Variants in MYH1 observed in about 807,000 individuals in gnomAD.
MYH1 encodes myosin heavy chain 1, also known as myosin-1.
In MYH1, 214 loss-of-function variants were observed where a neutral mutation model predicts 225.6. The ratio of observed to expected loss-of-function variants is 0.95; its 90% CI spans 0.85 to 1.06. MYH1 has a LOEUF of 1.06. Ranked by LOEUF, MYH1 falls within the 50% of genes least tolerant of loss-of-function variation. The pLI is 0.00. For missense variants in MYH1, 2,098 were observed against 2,344.2 expected, an observed-to-expected ratio of 0.89 and a Z score of 2.17; for synonymous variants, 774 against 842.3, an observed-to-expected ratio of 0.92 and a Z score of 1.40.
At position 10,501,266 on chromosome 17, in the gene MYH1, G is replaced by A. The variant is rs1331134912; in HGVS notation, c.3582C>T (p.Ala1194=). ...TATCTGCATGCTTCTTCCTCAGGGTGGCCGCCGTGGCTTCATGCTGTAGGG... is the reference window on the plus strand; with the variant it reads ...TATCTGCATGCTTCTTCCTCAGGGTAGCCGCCGTGGCTTCATGCTGTAGGG... ...EATLQHEATA[A]TLRKKHADSV... Residue 1194 remains alanine (A), a synonymous_variant, in exon 27 of 40, where the codon GCC becomes GCT. Coordinates refer to ENST00000226207, the MANE Select transcript of MYH1 (RefSeq NM_005963.4). 2.5e-6 allele frequency: 4 copies of A among 1,614,182 alleles called. No individual in the cohort carries two copies. The highest frequency in any genetic ancestry group is 3.4e-6 in the Non-Finnish European group (4 of 1,180,034).
chr17:10,495,357 G>C, intron 35 of MYH1, 40 bp from the exon 36 acceptor site: 1 of 1,609,158 alleles, frequency 6.2e-7, no homozygotes, highest in East Asian at 2.2e-5. Context: ...AGGCACATGA[G>C]AGAAAAATTA....
rs764830363 is a variant in MYH1 at position 10,516,023 on chromosome 17, A to C, written c.408T>G (p.Asn136Lys). ...CTCGGTAGGCTGTCACCACCTCTGC[A>C]TTATACACTGGCAACCACTTGTAGG... ...VNPYKWLPVY[N>K]AEVVTAYRGK... Residue 136 changes from asparagine to lysine, a missense_variant, in exon 5 of 40, where the codon AAT becomes AAG. Transcript: ENST00000226207. The C allele has an allele frequency of 2.5e-5, 41 of 1,614,080 alleles. No individual in the cohort carries two copies. In the African/African-American group the frequency reaches 5.1e-4, roughly 20 times the overall value.
chr17:10,496,655 T>C (rs1235578365), intron 33 of MYH1, 106 bp from the exon 34 acceptor site: 7 of 1,506,544 alleles, frequency 4.6e-6, no homozygotes, highest in Non-Finnish European at 6.3e-6. Flanking sequence ...AATAGATTTC[T>C]AAGTAGTAGT....
intron 14 of MYH1, among the ~76,000 whole-genome samples, chr17:10,511,442 T>C (rs372673983): frequency 7.2e-5 from 11 of 152,302 alleles, no homozygotes; most frequent in African/African-American, 2.6e-4. Flanking sequence ...TCTTACTGTT[T>C]ACTGAGTGCT....
chr17:10,505,629 AC>A, intron 19 of MYH1, 118 bp from the exon 20 acceptor site: 1 of 1,384,512 alleles, frequency 7.2e-7, no homozygotes, highest in Non-Finnish European at 9.8e-7. Flanking sequence ...AATCATATCT[AC>A]CCCTTTATCT....
In MYH1 at chr17:10,497,069, C is replaced by A; in HGVS notation, c.4656G>T (p.Glu1552Asp). Reference protein sequence around the residue: ...SELQAALEEAEASLEHEEGKI... With the variant: ...SELQAALEEADASLEHEEGKI... ...TTAGAGTATGCAATAAAATGCTTAC[C>A]TCTGCCTCCTCTAAGGCAGCCTGAA... is the stretch of plus-strand genomic sequence containing the variant. The change falls in exon 33 of 40, where the codon GAG becomes GAT. Residue 1552 changes from glutamate (E) to aspartate (D), a missense_variant and splice_region_variant. Physicochemically the swap from Glu to Asp is conservative, Grantham distance 45. Transcript: ENST00000226207. 1 of 1,613,180 alleles carries A rather than the reference C, an allele frequency of 6.2e-7. No homozygotes were observed. Among genetic ancestry groups the A allele is most frequent in the Non-Finnish European group, 8.5e-7 (1 of 1,179,866 alleles).
rs1567714314 is a variant in MYH1 at position 10,495,000 on chromosome 17, A to G, written c.5397T>C (p.His1799=). The G allele has an allele frequency of 6.2e-7, 1 of 1,614,152 alleles. No homozygotes were observed. The highest frequency in any genetic ancestry group is 2.2e-5 in the East Asian group (1 of 44,884). Residue 1799 remains histidine, a synonymous_variant, in exon 37 of 40, where the codon CAT becomes CAC. Coordinates refer to ENST00000226207, the MANE Select transcript of MYH1 (RefSeq NM_005963.4). ...CCAGCTGCTCAGCCTCATCCAGACGATGCTGCAGGTCCTTCACCGTCTGTT... is the reference window on the plus strand; with the variant it reads ...CCAGCTGCTCAGCCTCATCCAGACGGTGCTGCAGGTCCTTCACCGTCTGTT... The part of the protein sequence containing the change: ...NLEQTVKDLQ[H]RLDEAEQLAL...
At position 10,505,205 on chromosome 17, in the gene MYH1, C is replaced by T; in HGVS notation, c.2393G>A (p.Gly798Glu). 6.2e-7 allele frequency: 1 copy of T among 1,614,180 alleles called. No individual in the cohort carries two copies. Among genetic ancestry groups the T allele is most frequent in the Non-Finnish European group, 8.5e-7 (1 of 1,180,036 alleles). The change falls in exon 21 of 40, where the codon GGG becomes GAG. Residue 798 changes from glycine (G) to glutamate (E), a missense_variant. Coordinates refer to ENST00000226207, the MANE Select transcript of MYH1 (RefSeq NM_005963.4). ...LITRTQAMCRGFLARVEYQKM... is the reference protein window; with the variant it reads ...LITRTQAMCREFLARVEYQKM... ...CTGGTACTCCACTCTTGCCAAGAAC[C>T]CTCTGCACATGGCCTGGGTTCGGGT...
chr17:10,514,919 C>A (rs762975002), intron 5 of MYH1, 24 bp from the exon 6 acceptor site: 2 of 1,610,190 alleles, frequency 1.2e-6, no homozygotes, highest in South Asian at 1.1e-5. Context: ...AGTGGAAAAT[C>A]AGCATATGTA....
chr17:10,497,548 G>A, intron 31 of MYH1, 96 bp from the exon 32 acceptor site: 1 of 1,503,984 alleles, frequency 6.6e-7, no homozygotes, highest in Non-Finnish European at 8.8e-7. Flanking sequence ...GGTGTTCTGG[G>A]ACTGAAAAAA....
Position 10,495,941 on chromosome 17 carries a change from T to G in MYH1, c.5169+9A>C. Reference sequence around the variant, plus strand: ...CTTGTATTTGTTGCTATTCTATTATTACATGCACCTGGGTGTGCAGGAGCT... The same window carrying G: ...CTTGTATTTGTTGCTATTCTATTATGACATGCACCTGGGTGTGCAGGAGCT... On this transcript the variant is annotated intron_variant, in intron 35 of 39. Coordinates refer to ENST00000226207, the MANE Select transcript of MYH1 (RefSeq NM_005963.4). The G allele has an allele frequency of 1.9e-6, 3 of 1,614,066 alleles. No individual in the cohort carries two copies. The African/African-American group carries it at 4.0e-5, about 22-fold the overall frequency.
chr17:10,516,080 G>A lies in MYH1; in HGVS notation c.351C>T (p.Thr117=). The A allele has an allele frequency of 1.2e-6, 2 of 1,613,980 alleles. No homozygotes were observed. The highest frequency in any genetic ancestry group is 1.7e-6 in the Non-Finnish European group (2 of 1,179,916). ...KERYAAWMIY[T]YSGLFCVTVN... The stretch of plus-strand genomic sequence containing the variant: ...CAGTGACACAGAACAAGCCTGAGTA[G>A]GTCTGCACCCAAAACAAAAGGGAGG... Residue 117 remains threonine, a splice_region_variant and synonymous_variant, in exon 5 of 40, where the codon ACC becomes ACT. Transcript: ENST00000226207.
In MYH1 at chr17:10,501,152, G is replaced by C; in HGVS notation, c.3696C>G (p.Ile1232Met). 1.9e-6 allele frequency: 3 copies of C among 1,614,028 alleles called. No homozygotes were observed. Among genetic ancestry groups the C allele is most frequent in the Non-Finnish European group, 2.5e-6 (3 of 1,179,982 alleles). Reference sequence around the variant, plus strand: ...TCTCCATGTTACTAGCAAGGTCATCGATCTCCATCTTCATCTCACTCTTCT... The same window carrying C: ...TCTCCATGTTACTAGCAAGGTCATCCATCTCCATCTTCATCTCACTCTTCT... ...EKEKSEMKME[I>M]DDLASNMETV... The change falls in exon 27 of 40, where the codon ATC becomes ATG. Residue 1232 changes from isoleucine (I) to methionine (M), a missense_variant. Physicochemically the swap from Ile to Met is conservative, Grantham distance 10 (BLOSUM62 1). Transcript: ENST00000226207.
At chr17:10,494,202 A>G (rs2072963177) in intron 39 of MYH1, 152 bp downstream of exon 39, 1 of 626,388 alleles carries the variant, frequency 1.6e-6, no homozygotes, top group African/African-American at 1.9e-5. Flanking sequence ...CTGGCTTGTC[A>G]GGTGGTTGGT....
chr17:10,514,189 G>A, intron 6 of MYH1, 65 bp from the exon 7 acceptor site: 1 of 1,562,322 alleles, frequency 6.4e-7, no homozygotes, highest in Non-Finnish European at 8.8e-7. Context: ...CTACCTCATG[G>A]CTTTGTCTTT....
intron 30 of MYH1, 79 bp from the exon 31 acceptor site, chr17:10,497,996 C>T: frequency 7.6e-7 from 1 of 1,315,230 alleles, no homozygotes; most frequent in Non-Finnish European, 1.0e-6. Flanking sequence ...GAGTGAATTC[C>T]ACAATCAGAC....
In MYH1 at chr17:10,501,782, C is replaced by G. The variant is rs771235380; in HGVS notation, c.3241G>C (p.Asp1081His). ...MDIENDKQQL[D>H]EKLKKKEFEM... ...ACTGCTTACTTTTTAAGCTTTTCAT[C>G]AAGTTGTTGTTTGTCATTTTCTATA... The change falls in exon 25 of 40, where the codon GAT becomes CAT. Residue 1081 changes from aspartate to histidine, a missense_variant. Physicochemically the swap from Asp to His is moderately conservative, Grantham distance 81 (BLOSUM62 -1). Coordinates refer to ENST00000226207, the MANE Select transcript of MYH1 (RefSeq NM_005963.4). The G allele has an allele frequency of 7.4e-6, 12 of 1,613,560 alleles. No individual in the cohort carries two copies. The African/African-American group carries it at 1.6e-4, about 22-fold the overall frequency.
In MYH1 at chr17:10,497,320, C is replaced by T. The variant is rs139013228; in HGVS notation, c.4498G>A (p.Glu1500Lys). The T allele has an allele frequency of 1.9e-6, 3 of 1,609,296 alleles. No individual in the cohort carries two copies. The highest frequency in any genetic ancestry group is 1.1e-5 in the South Asian group (1 of 89,102). The change falls in exon 32 of 40, where the codon GAA (glutamate) becomes AAA (lysine). Residue 1500 changes from glutamate (E) to lysine (K), a missense_variant. Physicochemically the swap from Glu to Lys is moderately conservative, Grantham distance 56. Coordinates refer to ENST00000226207, the MANE Select transcript of MYH1 (RefSeq NM_005963.4). ...TTCTTATTTTCCCGTTTCAAGGTTTCAAGTTGGTCTAAAGATTCCTCATAA... is the reference window on the plus strand; with the variant it reads ...TTCTTATTTTCCCGTTTCAAGGTTTTAAGTTGGTCTAAAGATTCCTCATAA... Reference protein sequence around the residue: ...NAYEESLDQLETLKRENKNLQ... With the variant: ...NAYEESLDQLKTLKRENKNLQ...
chr17:10,499,867 A>G (rs984128058), intron 28 of MYH1, among the ~76,000 whole-genome samples: 1 of 152,222 alleles, frequency 6.6e-6, no homozygotes, highest in Non-Finnish European at 1.5e-5. Context: ...TAACCTGCCT[A>G]TTACTTTAAT....
Sources: gnomAD v4.1 joint callset for allele counts (sites outside exome capture counted in the v4.1 genomes callset) on GRCh38, gnomAD v4.1.1 for gene constraint, MANE v1.5 for transcripts, NCBI Gene and HGNC (gene_info 2026-07-23, HGNC 2026-07-21) for gene names.